Variants in L3MBTL3 observed in about 807,000 individuals in gnomAD.
The protein encoded by L3MBTL3 is lethal(3)malignant brain tumor-like protein 3.
A neutral mutation model predicts 102.3 loss-of-function variants in L3MBTL3; 27 were observed. The observed-to-expected ratio is 0.26, with a 90% CI of 0.19 to 0.36. L3MBTL3 has a LOEUF of 0.36. Among genes scored for constraint, L3MBTL3 ranks in the 10% least tolerant of loss-of-function variants. The pLI is 1.00. For missense variants in L3MBTL3, 798 were observed against 955.3 expected, an observed-to-expected ratio of 0.84 and a Z score of 2.17; for synonymous variants, 340 against 320.9, an observed-to-expected ratio of 1.06 and a Z score of -0.64.
At chr6:130,050,356 G>A (rs143300668) in intron 5 of L3MBTL3, among the ~76,000 whole-genome samples, 211 of 152,348 alleles carry the variant, frequency 1.4e-3, no homozygotes, top group South Asian at 6.0e-3. Context: ...AGAATTACGT[G>A]TAATTTTCCC....
intron 19 of L3MBTL3, among the ~76,000 whole-genome samples, chr6:130,111,212 C>CA (rs973343934): frequency 1.6e-4 from 25 of 152,160 alleles, no homozygotes; most frequent in African/African-American, 5.1e-4. Context: ...GCTTAGTTGT[C>CA]ACGCTGGTTA....
At chr6:130,080,718 A>G (rs1424619696) in intron 14 of L3MBTL3, among the ~76,000 whole-genome samples, 2 of 152,244 alleles carry the variant, frequency 1.3e-5, no homozygotes, top group Non-Finnish European at 2.9e-5. Context: ...GCATGTGAAA[A>G]TACCAAATAC....
At chr6:130,126,517 C>T (rs143415880) in intron 20 of L3MBTL3, among the ~76,000 whole-genome samples, 94 of 152,242 alleles carry the variant, frequency 6.2e-4, no homozygotes, top group African/African-American at 2.0e-3. Context: ...GATTTATTGT[C>T]TTGTTTCTCC....
chr6:130,099,792 G>A (rs1002725623), intron 18 of L3MBTL3, among the ~76,000 whole-genome samples: 2 of 152,138 alleles, frequency 1.3e-5, no homozygotes, highest in African/African-American at 4.8e-5. Context: ...TAACTTCTTT[G>A]TGCCGGTGTC....
intron 16 of L3MBTL3, among the ~76,000 whole-genome samples, chr6:130,089,582 A>G (rs1029921543): frequency 2.0e-5 from 3 of 152,210 alleles, no homozygotes; most frequent in African/African-American, 2.4e-5. Flanking sequence ...GTATATATCC[A>G]GTAATGAGAT....
chr6:130,040,853 G>T (rs147169668), intron 2 of L3MBTL3, among the ~76,000 whole-genome samples: 1 of 152,284 alleles, frequency 6.6e-6, no homozygotes, highest in African/African-American at 2.4e-5. Context: ...CAGATATCAA[G>T]ACTTAATAAC....
At chr6:130,049,949 A>AGTG in intron 5 of L3MBTL3, 119 bp downstream of exon 5, 1 of 1,268,264 alleles carries the variant, frequency 7.9e-7, no homozygotes, top group Non-Finnish European at 1.1e-6. Context: ...CCATCCACCC[A>AGTG]GTGGACAAGC....
Position 130,055,365 on chromosome 6 carries a change from T to G in L3MBTL3, c.667+110T>G, listed in dbSNP as rs1302033494. ...TAAAGTATTACTTCAGGATTTTCTT[T>G]GATTCAGTTTGGTCAATAAAGATTT... On this transcript the variant is annotated intron_variant, in intron 8 of 22. Coordinates refer to ENST00000361794, the MANE Select transcript of L3MBTL3 (RefSeq NM_032438.4). 6.7e-6 allele frequency: 5 copies of G among 748,194 alleles called. No individual in the cohort carries two copies. In the East Asian group the frequency reaches 1.4e-4, roughly 20 times the overall value. The allele number at this position is 748,194 out of a possible 1,614,324, so 46.3% of individuals were successfully genotyped here. A position where few individuals can be genotyped will look rare whatever the true frequency, so the allele number is the denominator to read the frequency against.
At chr6:130,060,636 C>G (rs1781829161) in intron 10 of L3MBTL3, among the ~76,000 whole-genome samples, 1 of 151,852 alleles carries the variant, frequency 6.6e-6, no homozygotes, top group Non-Finnish European at 1.5e-5. Context: ...GAACCCATGT[C>G]TGTCTGATTC....
chr6:130,035,187 A>C (rs779537773), intron 2 of L3MBTL3, among the ~76,000 whole-genome samples: 6 of 152,228 alleles, frequency 3.9e-5, no homozygotes, highest in African/African-American at 7.2e-5. Flanking sequence ...AACAGATACA[A>C]AAAAGTATAC....
chr6:130,081,005 C>G (rs1041048073), intron 14 of L3MBTL3, among the ~76,000 whole-genome samples: 8 of 152,210 alleles, frequency 5.3e-5, no homozygotes, highest in African/African-American at 1.7e-4. Context: ...GCAGCTGCTT[C>G]CTTCACCCCC....
intron 18 of L3MBTL3, among the ~76,000 whole-genome samples, chr6:130,094,768 C>T (rs1284413988): frequency 6.6e-6 from 1 of 152,104 alleles, no homozygotes; most frequent in Non-Finnish European, 1.5e-5. Flanking sequence ...TGTAGATTAA[C>T]AGCAAAGATC....
chr6:130,036,555 C>T (rs1161262364), intron 2 of L3MBTL3, among the ~76,000 whole-genome samples: 2 of 152,184 alleles, frequency 1.3e-5, no homozygotes, highest in Non-Finnish European at 2.9e-5. Flanking sequence ...TGAACATTTA[C>T]TGCAGGTTAT....
intron 3 of L3MBTL3, among the ~76,000 whole-genome samples, chr6:130,048,852 T>C (rs1780886710): frequency 1.3e-5 from 2 of 152,022 alleles, no homozygotes; most frequent in African/African-American, 4.8e-5. Flanking sequence ...GCAAGACAAG[T>C]TGATTCCTGG....
chr6:130,096,057 A>C (rs1043951244), intron 18 of L3MBTL3, among the ~76,000 whole-genome samples: 1 of 152,232 alleles, frequency 6.6e-6, no homozygotes, highest in Non-Finnish European at 1.5e-5. Flanking sequence ...ATATTGCTCT[A>C]ATTGCTTTAC....
chr6:130,086,261 T>G lies in L3MBTL3; in HGVS notation c.1518+11T>G, dbSNP rs1562298278. 2.6e-6 allele frequency: 4 copies of G among 1,536,714 alleles called. No individual in the cohort carries two copies. The highest frequency in any genetic ancestry group is 1.2e-5 in the South Asian group (1 of 86,074). On this transcript the variant is annotated intron_variant, in intron 16 of 22. Coordinates refer to ENST00000361794, the MANE Select transcript of L3MBTL3 (RefSeq NM_032438.4). Reference sequence around the variant, plus strand: ...GATCACCGGGTAAAAGTAAGTGTTCTGTGTGGGGGGTTGGCTTTGTCTTTT... The same window carrying G: ...GATCACCGGGTAAAAGTAAGTGTTCGGTGTGGGGGGTTGGCTTTGTCTTTT...
intron 2 of L3MBTL3, among the ~76,000 whole-genome samples, chr6:130,032,260 A>G (rs188321272): frequency 2.6e-5 from 4 of 152,336 alleles, no homozygotes; most frequent in African/African-American, 9.6e-5. Context: ...GCTTACTACC[A>G]TAGATGTTAT....
intron 3 of L3MBTL3, among the ~76,000 whole-genome samples, chr6:130,045,762 A>C (rs1305120135): frequency 2.6e-5 from 4 of 152,210 alleles, no homozygotes; most frequent in Non-Finnish European, 5.9e-5. Context: ...TTTGAGCTTC[A>C]GGTGCCTGGA....
intron 2 of L3MBTL3, among the ~76,000 whole-genome samples, chr6:130,031,344 C>A (rs1779710996): frequency 6.6e-6 from 1 of 152,146 alleles, no homozygotes. Flanking sequence ...ATGTTATTTT[C>A]TGAATTTATT....
Sources: gnomAD v4.1 joint callset for allele counts (sites outside exome capture counted in the v4.1 genomes callset) on GRCh38, gnomAD v4.1.1 for gene constraint, MANE v1.5 for transcripts, NCBI Gene and HGNC (gene_info 2026-07-23, HGNC 2026-07-21) for gene names.